TIRAP: variants seen among roughly 807,000 people sequenced by gnomAD.
TIRAP encodes the protein TIR domain containing adaptor protein.
Under a neutral mutation model 19.8 loss-of-function variants are expected in TIRAP, and 20 were observed. The ratio of observed to expected loss-of-function variants is 1.01; its 90% CI spans 0.71 to 1.47. The LOEUF is 1.47. TIRAP is among the 40% of genes most tolerant of loss of function. TIRAP has a pLI of 0.00. For missense variants in TIRAP, 276 were observed against 285.1 expected (o/e 0.97, Z 0.23); for synonymous variants, 125 against 121.7 (o/e 1.03, Z -0.18).
In TIRAP at chr11:126,290,930, T is replaced by G; in HGVS notation, c.36T>G (p.Ser12=). ...ASSTSLPAPG[S]RPKKPLGKMA... ...CGACCTCCCTCCCAGCTCCTGGCTC[T>G]CGGCCTAAGAAGCCTCTAGGCAAGA... The change falls in exon 3 of 5, where the codon TCT becomes TCG. Residue 12 remains serine (S), a synonymous_variant. Transcript: ENST00000392679. This position sits in a 1 kb window ranked among gnomAD's most constrained non-coding sequence, Gnocchi z 4.9. 6.2e-7 allele frequency: 1 copy of G among 1,607,358 alleles called. No individual in the cohort carries two copies. The highest frequency in any genetic ancestry group is 8.5e-7 in the Non-Finnish European group (1 of 1,176,540).
rs1951334751 is a variant in TIRAP at position 126,287,454 on chromosome 11, G to A, written c.-216-3008G>A. On this transcript the variant is annotated intron_variant, in intron 1 of 4. Coordinates refer to ENST00000392679, the MANE Select transcript of TIRAP (RefSeq NM_001318777.2). The surrounding 1 kb of genome is among the most constrained non-coding windows in gnomAD (Gnocchi z 4.2). Reference sequence around the variant, plus strand: ...TCCTGCCTCAGCCTCCTGAGCAGCTGGGATTACAGGCACGCACCACCACGC... The same window carrying A: ...TCCTGCCTCAGCCTCCTGAGCAGCTAGGATTACAGGCACGCACCACCACGC... 6.6e-6 allele frequency among the ~76,000 whole-genome samples: 1 copy of A among 151,506 alleles called. No homozygotes were observed. The highest frequency in any genetic ancestry group is 1.5e-5 in the Non-Finnish European group (1 of 67,880).
intron 1 of TIRAP, 41 bp downstream of exon 1, chr11:126,283,194 C>T (rs1045246081): frequency 9.3e-6 from 9 of 965,524 alleles, no homozygotes; most frequent in African/African-American, 1.8e-5. Context: ...GGAGGCGCGG[C>T]GGGGCTCCGT....
chr11:126,286,504 C>G (rs1423910960), intron 1 of TIRAP, among the ~76,000 whole-genome samples: 1 of 152,202 alleles, frequency 6.6e-6, no homozygotes, highest in Non-Finnish European at 1.5e-5. Context: ...ATATTCAGGA[C>G]TTTAAGTGAC....
At chr11:126,285,243 G>GTGTGTGTGTGTGTGTATACATA in intron 1 of TIRAP, among the ~76,000 whole-genome samples, 7 of 106,974 alleles carry the variant, frequency 6.5e-5, no homozygotes, top group African/African-American at 2.5e-4. Context: ...GTGTGTGTGT[G>GTGTGTGTGTGTGTGTATACATA]TATATATATA....
Position 126,292,659 on chromosome 11 carries a change from A to G in TIRAP, c.250A>G (p.Lys84Glu), listed in dbSNP as rs773742868. 1.6e-5 allele frequency: 26 copies of G among 1,613,970 alleles called. No individual in the cohort carries two copies. In the East Asian group the frequency reaches 5.8e-4, roughly 36 times the overall value. Reference sequence around the variant, plus strand: ...TGACAGTGGCAGTAGTCGCTGGAGCAAAGACTATGACGTCTGCGTGTGCCA... The same window carrying G: ...TGACAGTGGCAGTAGTCGCTGGAGCGAAGACTATGACGTCTGCGTGTGCCA... ...ASDSGSSRWSKDYDVCVCHSE... is the reference protein window; with the variant it reads ...ASDSGSSRWSEDYDVCVCHSE... Residue 84 changes from lysine (K) to glutamate (E), a missense_variant, in exon 4 of 5, where the codon AAA (lysine) becomes GAA (glutamate). By Grantham distance (56) the Lys-to-Glu change is moderately conservative. Transcript: ENST00000392679.
At position 126,292,657 on chromosome 11, in the gene TIRAP, G is replaced by A. The variant is rs887324413; in HGVS notation, c.248G>A (p.Ser83Asn). ...HASDSGSSRWSKDYDVCVCHS... is the reference protein window; with the variant it reads ...HASDSGSSRWNKDYDVCVCHS... ...AGTGACAGTGGCAGTAGTCGCTGGAGCAAAGACTATGACGTCTGCGTGTGC... is the reference window on the plus strand; with the variant it reads ...AGTGACAGTGGCAGTAGTCGCTGGAACAAAGACTATGACGTCTGCGTGTGC... The change falls in exon 4 of 5, where the codon AGC becomes AAC. Residue 83 changes from serine to asparagine, a missense_variant. Physicochemically the swap from Ser to Asn is conservative, Grantham distance 46. Transcript: ENST00000392679. 6.2e-6 allele frequency: 10 copies of A among 1,614,000 alleles called. No homozygotes were observed. Among genetic ancestry groups the A allele is most frequent in the African/African-American group, 5.3e-5 (4 of 74,940 alleles).
rs1342687629 is a variant in TIRAP at position 126,292,494 on chromosome 11, C to A, written c.85C>A (p.Leu29Met). 17 of 1,613,934 alleles carry A rather than the reference C, an allele frequency of 1.1e-5. No individual in the cohort carries two copies. The East Asian group carries it at 3.8e-4, about 36-fold the overall frequency. The change falls in exon 4 of 5, where the codon CTG becomes ATG. Residue 29 changes from leucine (L) to methionine (M), a missense_variant. Coordinates refer to ENST00000392679, the MANE Select transcript of TIRAP (RefSeq NM_001318777.2). ...GKMADWFRQT[L>M]LKKPKKRPNS... ...CCCCACAGACTGGTTCAGGCAGACCCTGCTGAAGAAGCCCAAGAAGAGGCC... is the reference window on the plus strand; with the variant it reads ...CCCCACAGACTGGTTCAGGCAGACCATGCTGAAGAAGCCCAAGAAGAGGCC...
Position 126,291,966 on chromosome 11 carries a change from C to CTTTA in TIRAP, c.68-510_68-507dup, listed in dbSNP as rs562937250. The stretch of plus-strand genomic sequence containing the variant: ...TCCAGAGTTCTGACACGTCCAAAAC[C>CTTTA]TTTACCTTTAGAGGGCACTTTTAGG... On this transcript the variant is annotated intron_variant, in intron 3 of 4. Coordinates refer to ENST00000392679, the MANE Select transcript of TIRAP (RefSeq NM_001318777.2). The surrounding 1 kb of genome is among the most constrained non-coding windows in gnomAD (Gnocchi z 5.6). Among the ~76,000 whole-genome samples the CTTTA allele has an allele frequency of 3.3e-5, 5 of 152,078 alleles. No homozygotes were observed. The South Asian group carries it at 6.2e-4, about 19-fold the overall frequency.
At position 126,290,795 on chromosome 11, in the gene TIRAP, C is replaced by T. The variant is rs1469507542; in HGVS notation, c.-92-8C>T. ...GCCTTTGTGATTCTCTCTCTCTACC[C>T]TCTGTAGGATGGCTGCTCCATGAGG... is the stretch of plus-strand genomic sequence containing the variant. On this transcript the variant is annotated splice_region_variant and splice_polypyrimidine_tract_variant and intron_variant, in intron 2 of 4. Coordinates refer to ENST00000392679, the MANE Select transcript of TIRAP (RefSeq NM_001318777.2). The surrounding 1 kb of genome is among the most constrained non-coding windows in gnomAD (Gnocchi z 4.9). 2 of 1,507,786 alleles carry T rather than the reference C, an allele frequency of 1.3e-6. No individual in the cohort carries two copies. Among genetic ancestry groups the T allele is most frequent in the Non-Finnish European group, 1.8e-6 (2 of 1,132,162 alleles). The allele number at this position is 1,507,786 out of a possible 1,614,324, so 93.4% of individuals were successfully genotyped here. A position where few individuals can be genotyped will look rare whatever the true frequency, so the allele number is the denominator to read the frequency against.
At position 126,288,242 on chromosome 11, in the gene TIRAP, CT is replaced by C. The variant is rs562985338; in HGVS notation, c.-216-2217del. Among the ~76,000 whole-genome samples the C allele has an allele frequency of 9.9e-5, 15 of 152,150 alleles. No individual in the cohort carries two copies. The South Asian group carries it at 1.0e-3, about 11-fold the overall frequency. ...AGTGGGTATTTTTGGTATGATTCTA[CT>C]TTATGAATTTTTTCAAAGCACAAAG... On this transcript the variant is annotated intron_variant, in intron 1 of 4. Coordinates refer to ENST00000392679, the MANE Select transcript of TIRAP (RefSeq NM_001318777.2). The surrounding 1 kb of genome is among the most constrained non-coding windows in gnomAD (Gnocchi z 5.0).
At chr11:126,292,368 G>A (rs927833943) in intron 3 of TIRAP, 109 bp from the exon 4 acceptor site, 13 of 1,141,546 alleles carry the variant, frequency 1.1e-5, no homozygotes, top group African/African-American at 7.8e-5. Context: ...AGTGCAGGGA[G>A]GTGGGCTGCA....
chr11:126,294,236 T>C lies in TIRAP; in HGVS notation c.*549T>C. The C allele has an allele frequency of 3.8e-6, 1 of 260,988 alleles. No homozygotes were observed. Among genetic ancestry groups the C allele is most frequent in the South Asian group, 4.1e-5 (1 of 24,176 alleles). 16.2% of individuals were successfully genotyped at this position (260,988 alleles called of 1,614,324 possible). A position where few individuals can be genotyped will look rare whatever the true frequency, so the allele number is the denominator to read the frequency against. ...TCAGGAGAAAGCAACAAGAATCCAG[T>C]CCTTCACACTCACACTACTCTGTTC... On this transcript the variant is annotated 3_prime_UTR_variant, in exon 5 of 5. Transcript: ENST00000392679.
rs189466471 is a variant in TIRAP at position 126,291,680 on chromosome 11, C to T, written c.67+719C>T. The T allele has an allele frequency of 1.5e-4, 57 of 388,574 alleles. 3 individuals are homozygous for T. The highest frequency in any genetic ancestry group is 6.3e-4 in the African/African-American group (30 of 47,858). The allele number at this position is 388,574 out of a possible 1,614,324, so 24.1% of individuals were successfully genotyped here. A position where few individuals can be genotyped will look rare whatever the true frequency, so the allele number is the denominator to read the frequency against. On this transcript the variant is annotated intron_variant, in intron 3 of 4. Transcript: ENST00000392679. This position sits in a 1 kb window ranked among gnomAD's most constrained non-coding sequence, Gnocchi z 5.6. Reference sequence around the variant, plus strand: ...TGGGGCCAAACAGATGCCAGTCCTCCGTACCCCTTCCTTCCTGTATACGTA... The same window carrying T: ...TGGGGCCAAACAGATGCCAGTCCTCTGTACCCCTTCCTTCCTGTATACGTA...
intron 1 of TIRAP, among the ~76,000 whole-genome samples, chr11:126,284,931 C>T (rs535306914): frequency 1.3e-5 from 2 of 151,860 alleles, no homozygotes; most frequent in African/African-American, 2.4e-5. Flanking sequence ...TGTGTATGCT[C>T]ATCTTAGTCT....
In TIRAP at chr11:126,287,756, TTTTC is replaced by T. The variant is rs754104763; in HGVS notation, c.-216-2702_-216-2699del. ...CTGAAGAAATTCTTTACTAATTTTC[TTTTC>T]TTTATTTTTTTGAGATCGAGTCTCG... is the stretch of plus-strand genomic sequence containing the variant. On this transcript the variant is annotated intron_variant, in intron 1 of 4. Transcript: ENST00000392679. The surrounding 1 kb of genome is among the most constrained non-coding windows in gnomAD (Gnocchi z 4.2). 6.6e-5 allele frequency among the ~76,000 whole-genome samples: 10 copies of T among 152,094 alleles called. No individual in the cohort carries two copies. The highest frequency in any genetic ancestry group is 1.0e-4 in the Non-Finnish European group (7 of 68,018).
rs1951335720 is a variant in TIRAP, at chr11:126,287,518, A to G, written c.-216-2944A>G. On this transcript the variant is annotated intron_variant, in intron 1 of 4. Coordinates refer to ENST00000392679, the MANE Select transcript of TIRAP (RefSeq NM_001318777.2). The surrounding 1 kb of genome is among the most constrained non-coding windows in gnomAD (Gnocchi z 4.2). ...GTATTTTTAGTAGAGACAGGGTTTC[A>G]CCATGTTGGCCAGGCTGATCTCAAA... 6.6e-6 allele frequency among the ~76,000 whole-genome samples: 1 copy of G among 151,970 alleles called. No homozygotes were observed. The highest frequency in any genetic ancestry group is 1.5e-5 in the Non-Finnish European group (1 of 67,980).
At position 126,292,336 on chromosome 11, in the gene TIRAP, C is replaced by G. The variant is rs1951401168; in HGVS notation, c.68-141C>G. ...AAAAAAAAATAGTGGAGCAACAGGTCTCTGAGAATAAGATGTTTCCCAGTG... is the reference window on the plus strand; with the variant it reads ...AAAAAAAAATAGTGGAGCAACAGGTGTCTGAGAATAAGATGTTTCCCAGTG... On this transcript the variant is annotated intron_variant, in intron 3 of 4. Coordinates refer to ENST00000392679, the MANE Select transcript of TIRAP (RefSeq NM_001318777.2). 3 of 764,968 alleles carry G rather than the reference C, an allele frequency of 3.9e-6. No homozygotes were observed. In the East Asian group the frequency reaches 8.3e-5, roughly 21 times the overall value. 47.4% of individuals were successfully genotyped at this position (764,968 alleles called of 1,614,324 possible).
chr11:126,283,451 C>T (rs562683866), intron 1 of TIRAP, among the ~76,000 whole-genome samples: 11 of 152,372 alleles, frequency 7.2e-5, no homozygotes, highest in African/African-American at 2.6e-4. Context: ...GCTGGAAGAG[C>T]CTGGCGCTCA....
chr11:126,293,370 A>ATC (rs1951432720), intron 4 of TIRAP: 1 of 705,538 alleles, frequency 1.4e-6, no homozygotes, highest in East Asian at 2.7e-5. Context: ...CCTAGCACAA[A>ATC]TCAGGTCCTC....
Sources: allele counts gnomAD v4.1 joint callset (sites outside exome capture counted in the v4.1 genomes callset), GRCh38; gene constraint gnomAD v4.1.1; non-coding constraint Gnocchi (gnomAD v3.1); transcripts MANE v1.5; gene names NCBI Gene and HGNC (gene_info 2026-07-23, HGNC 2026-07-21).